UNC13C: variants seen among roughly 807,000 people sequenced by gnomAD.
UNC13C encodes the protein unc-13 homolog C, also known as protein unc-13 homolog C.
In UNC13C, 174 loss-of-function variants were observed where a neutral mutation model predicts 245.4. The observed-to-expected ratio is 0.71, with a 90% CI of 0.63 to 0.80. The LOEUF is 0.80. Among genes scored for constraint, UNC13C ranks in the 30% least tolerant of loss-of-function variants. The pLI, the probability that UNC13C is intolerant of heterozygous loss-of-function variation, is 0.00. For synonymous variants in UNC13C, 992 were observed against 895.1 expected, an observed-to-expected ratio of 1.11 and a Z score of -1.93; for missense variants, 2,829 against 2,602.9, an observed-to-expected ratio of 1.09 and a Z score of -1.89.
intron 2 of UNC13C, among the ~76,000 whole-genome samples, chr15:54,136,884 C>T (rs1394192141): frequency 2.0e-5 from 3 of 151,300 alleles, no homozygotes; most frequent in Non-Finnish European, 4.4e-5. Flanking sequence ...CTTGCTCTGT[C>T]ACCCAGGAGT....
At chr15:54,219,705 C>T (rs944437612) in intron 4 of UNC13C, among the ~76,000 whole-genome samples, 5 of 151,680 alleles carry the variant, frequency 3.3e-5, no homozygotes, top group Admixed American at 2.6e-4. Context: ...ACTCATCTGT[C>T]AAAGGGCTAA....
chr15:54,030,308 T>C (rs1896303729), intron 2 of UNC13C, among the ~76,000 whole-genome samples: 1 of 151,940 alleles, frequency 6.6e-6, no homozygotes, highest in Non-Finnish European at 1.5e-5. Context: ...AGCTGAATGT[T>C]ACTTACTTAG....
In UNC13C at chr15:54,081,608, C is replaced by CT. The variant is rs35643072; in HGVS notation, c.2984-61400dup. Among the ~76,000 whole-genome samples, 166 of 150,686 alleles carry CT rather than the reference C, an allele frequency of 1.1e-3. 4 individuals carry two copies. The East Asian group carries it at 0.031, about 28-fold the overall frequency. ...TCAGATACAAGAATAGCAATCCCTG[C>CT]TTTTTTTTTTCCTTCGCTTTCCATT... is the stretch of plus-strand genomic sequence containing the variant. On this transcript the variant is annotated intron_variant, in intron 2 of 32. Transcript: ENST00000260323.
chr15:54,531,758 T>C (rs1022486718), intron 25 of UNC13C, among the ~76,000 whole-genome samples: 2 of 152,064 alleles, frequency 1.3e-5, no homozygotes, highest in African/African-American at 4.8e-5. Flanking sequence ...TGTGCAACTC[T>C]CAGCAAAATC....
intron 2 of UNC13C, among the ~76,000 whole-genome samples, chr15:54,039,441 G>A (rs897125177): frequency 2.0e-5 from 3 of 152,096 alleles, no homozygotes; most frequent in South Asian, 2.1e-4. Flanking sequence ...TGGGTCTTTG[G>A]CTCCACAGAT....
chr15:54,120,239 T>A lies in UNC13C; in HGVS notation c.2984-22779T>A, dbSNP rs532608750. Reference sequence around the variant, plus strand: ...ACAAGCTGATTCTCTTATTAGGAGTTAATGCAGCTGGTGACTCTAAGCTGA... The same window carrying A: ...ACAAGCTGATTCTCTTATTAGGAGTAAATGCAGCTGGTGACTCTAAGCTGA... On this transcript the variant is annotated intron_variant, in intron 2 of 32. Coordinates refer to ENST00000260323, the MANE Select transcript of UNC13C (RefSeq NM_001080534.3). 2.6e-4 allele frequency among the ~76,000 whole-genome samples: 39 copies of A among 152,258 alleles called. No individual in the cohort carries two copies. In the South Asian group the frequency reaches 7.9e-3, roughly 31 times the overall value.
At chr15:53,918,307 G>C in the UNC13C span, among the ~76,000 whole-genome samples, 1 of 150,588 alleles carries the variant, frequency 6.6e-6, no homozygotes. Context: ...ATTTGGCCTC[G>C]AGCCCAGTTT....
chr15:53,851,568 T>C, the UNC13C span, among the ~76,000 whole-genome samples: 4 of 152,162 alleles, frequency 2.6e-5, no homozygotes, highest in African/African-American at 9.7e-5. Context: ...TGTCCACCTT[T>C]CACCTGCCCA....
intron 4 of UNC13C, among the ~76,000 whole-genome samples, chr15:54,195,807 A>G (rs543261277): frequency 1.3e-5 from 2 of 152,252 alleles, no homozygotes; most frequent in South Asian, 2.1e-4. Flanking sequence ...TGCAATGAAG[A>G]CATCTTATTG....
At chr15:53,968,863 C>T in the UNC13C span, among the ~76,000 whole-genome samples, 4 of 152,236 alleles carry the variant, frequency 2.6e-5, no homozygotes, top group South Asian at 6.2e-4. Flanking sequence ...ATTTTGAAAA[C>T]CAGCAGATTT....
chr15:54,292,791 A>G (rs777836263), intron 10 of UNC13C, among the ~76,000 whole-genome samples: 1 of 151,102 alleles, frequency 6.6e-6, no homozygotes, highest in Non-Finnish European at 1.5e-5. Context: ...TTGATGACAA[A>G]AATGCTGCTG....
At chr15:54,136,527 C>T (rs1426895833) in intron 2 of UNC13C, among the ~76,000 whole-genome samples, 2 of 151,426 alleles carry the variant, frequency 1.3e-5, no homozygotes, top group East Asian at 3.9e-4. Context: ...TATTTAGATG[C>T]CTTTTATTTA....
Position 54,511,810 on chromosome 15 carries a change from G to T in UNC13C, c.5437G>T (p.Glu1813Ter). The T allele has an allele frequency of 6.2e-7, 1 of 1,609,100 alleles. No individual in the cohort carries two copies. The highest frequency in any genetic ancestry group is 8.5e-7 in the Non-Finnish European group (1 of 1,177,532). The change falls in exon 24 of 33, where the codon GAA (glutamate) becomes TAA (stop). Residue 1813 changes from glutamate (E) to a stop codon, truncating the protein, a stop_gained. Transcript: ENST00000260323. LOFTEE classifies it high-confidence loss of function. ...QLRVQLEKMFESMGGKELDSE... is the reference protein window; with the variant it reads ...QLRVQLEKMF ...GCGGGTCCAGCTGGAAAAAATGTTT[G>T]AATCCATGGGAGGGAAGGAGGTGGG...
chr15:54,308,621 T>A (rs926447810), intron 13 of UNC13C, among the ~76,000 whole-genome samples: 1 of 151,780 alleles, frequency 6.6e-6, no homozygotes, highest in African/African-American at 2.4e-5. Flanking sequence ...CAAGTGAAAA[T>A]TTTTATGCTT....
chr15:54,496,831 G>T (rs573454945), intron 20 of UNC13C, among the ~76,000 whole-genome samples: 9 of 150,998 alleles, frequency 6.0e-5, no homozygotes, highest in East Asian at 2.0e-4. Context: ...AGGGAAGTTG[G>T]GGGGGAAGGA....
intron 2 of UNC13C, among the ~76,000 whole-genome samples, chr15:54,101,572 C>T (rs1329854111): frequency 6.6e-6 from 1 of 151,754 alleles, no homozygotes; most frequent in Non-Finnish European, 1.5e-5. Flanking sequence ...ATTTGCTCCT[C>T]CTCATTATCC....
chr15:53,958,891 A>G, the UNC13C span, among the ~76,000 whole-genome samples: 16 of 152,250 alleles, frequency 1.1e-4, no homozygotes, highest in African/African-American at 3.9e-4. Flanking sequence ...ACTAGAACTT[A>G]TTCCTTCCAC....
intron 4 of UNC13C, among the ~76,000 whole-genome samples, chr15:54,151,663 C>A (rs1328159791): frequency 6.6e-6 from 1 of 152,160 alleles, no homozygotes; most frequent in African/African-American, 2.4e-5. Flanking sequence ...CTGGGCCTCC[C>A]AAAGTGCTGG....
chr15:54,424,566 T>C (rs1484171701), intron 19 of UNC13C, among the ~76,000 whole-genome samples: 1 of 151,882 alleles, frequency 6.6e-6, no homozygotes, highest in Non-Finnish European at 1.5e-5. Flanking sequence ...ATTTATGCTT[T>C]AGATCAAACC....
Sources: gnomAD v4.1 joint callset for allele counts (sites outside exome capture counted in the v4.1 genomes callset) on GRCh38, gnomAD v4.1.1 for gene constraint, MANE v1.5 for transcripts, NCBI Gene and HGNC (gene_info 2026-07-23, HGNC 2026-07-21) for gene names.